The following IL1RAPL1 variants were observed in gnomAD, a reference collection of about 807,000 sequenced individuals.
IL1RAPL1 encodes the protein interleukin-1 receptor accessory protein-like 1.
A neutral mutation model predicts 48.4 loss-of-function variants in IL1RAPL1; 3 were observed. That is an observed-to-expected ratio of 0.06 (90% CI 0.03 to 0.16). The LOEUF (loss-of-function observed/expected upper bound fraction) is 0.16. Among genes scored for constraint, IL1RAPL1 ranks in the 10% least tolerant of loss-of-function variants. IL1RAPL1 has a pLI of 1.00. For synonymous variants in IL1RAPL1, 185 were observed against 187.7 expected (o/e 0.99, Z 0.12); for missense variants, 349 against 530.6 (o/e 0.66, Z 3.36).
chrX:29,462,620 T>C (rs1278902526), intron 5 of IL1RAPL1, among the ~76,000 whole-genome samples: 1 of 111,387 alleles, frequency 9.0e-6, no homozygotes, highest in African/African-American at 3.3e-5. Context: ...CAGTTTTGGT[T>C]GACAGTTCCA....
chrX:29,235,019 T>C (rs1931264939), intron 2 of IL1RAPL1, among the ~76,000 whole-genome samples: 1 of 112,098 alleles, frequency 8.9e-6, no homozygotes, highest in Admixed American at 9.5e-5. Flanking sequence ...GAGAGTGAGA[T>C]GCATGGATAC....
chrX:29,218,914 A>C (rs1385080297), intron 2 of IL1RAPL1, among the ~76,000 whole-genome samples: 1 of 112,534 alleles, frequency 8.9e-6, no homozygotes, highest in Non-Finnish European at 1.9e-5. Flanking sequence ...TTGATTTGCC[A>C]CTGCATCTGC....
intron 6 of IL1RAPL1, among the ~76,000 whole-genome samples, chrX:29,757,927 G>T (rs1356186415): frequency 2.7e-5 from 3 of 111,197 alleles, no homozygotes; most frequent in African/African-American, 6.5e-5. Context: ...CAAAAACAAA[G>T]AACTTTTTCT....
intron 2 of IL1RAPL1, among the ~76,000 whole-genome samples, chrX:28,894,401 A>C (rs1308875080): frequency 9.0e-6 from 1 of 111,059 alleles, no homozygotes; most frequent in African/African-American, 3.3e-5. Context: ...GAGGAACAGG[A>C]AAGAAGGAAA....
chrX:28,607,723 A>G (rs1468882219), intron 1 of IL1RAPL1, among the ~76,000 whole-genome samples: 3 of 109,810 alleles, frequency 2.7e-5, no homozygotes, highest in Non-Finnish European at 5.7e-5. Flanking sequence ...TTGTGGGTGG[A>G]TGGAATTTGA....
At chrX:28,852,734 G>A (rs185473298) in intron 2 of IL1RAPL1, among the ~76,000 whole-genome samples, 14 of 111,568 alleles carry the variant, frequency 1.3e-4, no homozygotes, top group Non-Finnish European at 2.4e-4. Flanking sequence ...TGGACTTGCA[G>A]TCATCAGAAT....
chrX:29,154,156 T>A (rs924681236), intron 2 of IL1RAPL1, among the ~76,000 whole-genome samples: 8 of 112,022 alleles, frequency 7.1e-5, no homozygotes, highest in African/African-American at 2.3e-4. Flanking sequence ...TGGATCTTCA[T>A]CTTCCAGTAA....
rs1602217291 is a variant in IL1RAPL1, at chrX:29,402,608, C to T, written c.703+3300C>T. ...ACATCTAATATTAATATGGTATATT[C>T]GTTATAGTTAATGAACTGATTTTGG... is the stretch of plus-strand genomic sequence containing the variant. On this transcript the variant is annotated intron_variant, in intron 5 of 10. Coordinates refer to ENST00000378993, the MANE Select transcript of IL1RAPL1 (RefSeq NM_014271.4). Among the ~76,000 whole-genome samples the T allele has an allele frequency of 2.7e-5, 3 of 111,094 alleles. No individual in the cohort carries two copies. In the East Asian group the frequency reaches 8.4e-4, roughly 31 times the overall value.
chrX:28,636,712 A>G (rs748022536), intron 1 of IL1RAPL1, among the ~76,000 whole-genome samples: 30 of 111,415 alleles, frequency 2.7e-4, no homozygotes, highest in African/African-American at 9.5e-4. Flanking sequence ...AAGAAGGAAT[A>G]AGGGATAGAG....
intron 5 of IL1RAPL1, among the ~76,000 whole-genome samples, chrX:29,636,623 A>G (rs1271752592): frequency 1.8e-5 from 2 of 112,125 alleles, no homozygotes; most frequent in Admixed American, 9.5e-5. Flanking sequence ...TCCCAGGCCA[A>G]TCTCCTATAC....
intron 6 of IL1RAPL1, among the ~76,000 whole-genome samples, chrX:29,849,706 G>A (rs899677634): frequency 3.6e-5 from 4 of 111,650 alleles, no homozygotes; most frequent in African/African-American, 9.8e-5. Context: ...CTGAAGAAGC[G>A]TGACAAGATG....
chrX:29,558,132 G>T (rs1165575322), intron 5 of IL1RAPL1, among the ~76,000 whole-genome samples: 2 of 111,031 alleles, frequency 1.8e-5, no homozygotes, highest in Non-Finnish European at 3.8e-5. Flanking sequence ...TGTAATAGTT[G>T]TACAAATTTT....
rs184449105 is a variant in IL1RAPL1, at chrX:28,894,074, C to T, written c.82+104649C>T. Among the ~76,000 whole-genome samples the T allele has an allele frequency of 5.2e-3, 578 of 111,771 alleles. 6 individuals carry two copies. Among genetic ancestry groups the T allele is most frequent in the African/African-American group, 0.014 (423 of 30,521 alleles). ...ACTCCGGCTTCCTTTGGAAGTAAAGCGGCTTTGAGAAGCGTTTTTTTATTA... is the reference window on the plus strand; with the variant it reads ...ACTCCGGCTTCCTTTGGAAGTAAAGTGGCTTTGAGAAGCGTTTTTTTATTA... On this transcript the variant is annotated intron_variant, in intron 2 of 10. Transcript: ENST00000378993.
At chrX:29,947,302 T>G (rs2147254601) in intron 9 of IL1RAPL1, among the ~76,000 whole-genome samples, 1 of 112,102 alleles carries the variant, frequency 8.9e-6, no homozygotes, top group Admixed American at 9.4e-5. Flanking sequence ...TTTATATATT[T>G]TTTTCAGAGT....
intron 2 of IL1RAPL1, among the ~76,000 whole-genome samples, chrX:28,861,878 T>C (rs5985806): frequency 3.6e-5 from 4 of 110,906 alleles, no homozygotes; most frequent in Non-Finnish European, 5.7e-5. Context: ...ATTTTTTTTT[T>C]CCCCTTGACC....
chrX:28,793,010 C>CATTTAGAATGAA (rs1357914344), intron 2 of IL1RAPL1, among the ~76,000 whole-genome samples: 1 of 104,741 alleles, frequency 9.5e-6, no homozygotes, highest in African/African-American at 3.5e-5. Context: ...GTTGTGCCTA[C>CATTTAGAATGAA]ATTTAGAATG....
rs746660757 is a variant in IL1RAPL1, at chrX:29,010,167, A to G, written c.82+220742A>G. ...CAGGGGCCTTTTGGCAGAGTCTTCT[A>G]GGTAGAGGACCATATCATCAGTGAA... On this transcript the variant is annotated intron_variant, in intron 2 of 10. Transcript: ENST00000378993. Among the ~76,000 whole-genome samples, 138 of 111,861 alleles carry G rather than the reference A, an allele frequency of 1.2e-3. No individual in the cohort carries two copies. In the Middle Eastern group the frequency reaches 0.018, roughly 15 times the overall value.
At chrX:28,743,080 A>G (rs1419316242) in intron 1 of IL1RAPL1, among the ~76,000 whole-genome samples, 1 of 111,615 alleles carries the variant, frequency 9.0e-6, no homozygotes, top group East Asian at 2.8e-4. Flanking sequence ...CTTATCCTTA[A>G]TTTAACTTTC....
chrX:28,770,990 G>T (rs1032474914), intron 1 of IL1RAPL1, among the ~76,000 whole-genome samples: 70 of 111,845 alleles, frequency 6.3e-4, no homozygotes, highest in African/African-American at 2.1e-3. Context: ...AGAAAATAAG[G>T]GTAGTATTTT....
Sources: allele counts gnomAD v4.1 joint callset (sites outside exome capture counted in the v4.1 genomes callset), GRCh38; gene constraint gnomAD v4.1.1; transcripts MANE v1.5; gene names NCBI Gene and HGNC (gene_info 2026-07-23, HGNC 2026-07-21).